The following CAMTA1 variants were observed in gnomAD, a reference collection of about 807,000 sequenced individuals.
The protein encoded by CAMTA1 is calmodulin binding transcription activator 1, also known as calmodulin-binding transcription activator 1.
A neutral mutation model predicts 170.9 loss-of-function variants in CAMTA1; 27 were observed. That is an observed-to-expected ratio of 0.16 (90% confidence interval 0.12 to 0.22). CAMTA1 has a LOEUF of 0.22. Among genes scored for constraint, CAMTA1 ranks in the 10% least tolerant of loss-of-function variants. The pLI is 1.00. For missense variants in CAMTA1, 1,619 were observed against 2,217.2 expected, an observed-to-expected ratio of 0.73 and a Z score of 5.42; for synonymous variants, 833 against 891.5, an observed-to-expected ratio of 0.93 and a Z score of 1.17.
chr1:6,995,638 A>G (rs1293779631), intron 3 of CAMTA1, among the ~76,000 whole-genome samples: 1 of 152,132 alleles, frequency 6.6e-6, no homozygotes, highest in Non-Finnish European at 1.5e-5. Context: ...ATCGTTTTAA[A>G]ATACAAATCA....
At chr1:7,149,982 G>A (rs370260852) in intron 4 of CAMTA1, among the ~76,000 whole-genome samples, 75 of 150,988 alleles carry the variant, frequency 5.0e-4, no homozygotes, top group African/African-American at 1.7e-3. Context: ...CTTCACTGCT[G>A]GGGAAGGACT....
chr1:7,752,677 A>G lies in CAMTA1; in HGVS notation c.4958+144A>G. ...GTCCCAAATTACAATAGGGCGGTAG[A>G]GCTCTTTAACTAGGGATCAGGTTGC... is the stretch of plus-strand genomic sequence containing the variant. On this transcript the variant is annotated intron_variant, in intron 21 of 22. Coordinates refer to ENST00000303635, the MANE Select transcript of CAMTA1 (RefSeq NM_015215.4). 5 of 624,028 alleles carry G rather than the reference A, an allele frequency of 8.0e-6. No homozygotes were observed. In the South Asian group the frequency reaches 1.1e-4, roughly 13 times the overall value. The allele number at this position is 624,028 out of a possible 1,614,324, so 38.7% of individuals were successfully genotyped here. A position where few individuals can be genotyped will look rare whatever the true frequency, so the allele number is the denominator to read the frequency against.
intron 3 of CAMTA1, among the ~76,000 whole-genome samples, chr1:6,884,022 G>A (rs1473348319): frequency 6.6e-6 from 1 of 152,068 alleles, no homozygotes; most frequent in Non-Finnish European, 1.5e-5. Flanking sequence ...ACACATTTCA[G>A]GTGCTCAGTG....
intron 6 of CAMTA1, among the ~76,000 whole-genome samples, chr1:7,483,345 G>A (rs2093567625): frequency 6.6e-6 from 1 of 152,234 alleles, no homozygotes; most frequent in Non-Finnish European, 1.5e-5. Context: ...AAAATCTGGT[G>A]CAGAGCAGCC....
chr1:6,876,623 A>G (rs552247739), intron 3 of CAMTA1, among the ~76,000 whole-genome samples: 1 of 152,244 alleles, frequency 6.6e-6, no homozygotes, highest in East Asian at 1.9e-4. Context: ...TCGGCCTCCT[A>G]GAGTGCTGGG....
At chr1:6,824,763 T>G (rs1646919048) in intron 2 of CAMTA1, among the ~76,000 whole-genome samples, 1 of 152,142 alleles carries the variant, frequency 6.6e-6, no homozygotes, top group Non-Finnish European at 1.5e-5. Flanking sequence ...GAGGTTAATT[T>G]TATAATTTTT....
rs577353689 is a variant in CAMTA1, at chr1:7,335,124, T to TTGTGTGTGTG, written c.438+85505_438+85514dup. ...GAGGGCTTGTTTGGCAGCACAGCTT[T>TTGTGTGTGTG]TGTGTGTGTGTGTGTGGGGGGGGGG... On this transcript the variant is annotated intron_variant, in intron 5 of 22. Transcript: ENST00000303635. Among the ~76,000 whole-genome samples, 17 of 19,196 alleles carry TTGTGTGTGTG rather than the reference T, an allele frequency of 8.9e-4. 2 individuals are homozygous for TTGTGTGTGTG. The highest frequency in any genetic ancestry group is 4.8e-3 in the East Asian group (2 of 414). The allele number at this position is 19,196 out of a possible 152,430, so 12.6% of individuals were successfully genotyped here.
chr1:6,805,434 A>G (rs763487824), intron 1 of CAMTA1, among the ~76,000 whole-genome samples: 1 of 152,222 alleles, frequency 6.6e-6, no homozygotes, highest in Non-Finnish European at 1.5e-5. Flanking sequence ...TCAGTCCCTT[A>G]TCAGATATGT....
intron 11 of CAMTA1, among the ~76,000 whole-genome samples, chr1:7,713,636 G>C (rs759943912): frequency 6.6e-6 from 1 of 152,126 alleles, no homozygotes; most frequent in Non-Finnish European, 1.5e-5. Context: ...TCAATAGCTC[G>C]TGGGAAATGT....
chr1:7,622,472 G>A (rs2095605438), intron 6 of CAMTA1, among the ~76,000 whole-genome samples: 1 of 152,172 alleles, frequency 6.6e-6, no homozygotes, highest in Non-Finnish European at 1.5e-5. Context: ...ATCCGCTATT[G>A]AAAACAGCTG....
chr1:7,100,906 A>G (rs1411517978), intron 4 of CAMTA1, among the ~76,000 whole-genome samples: 2 of 152,096 alleles, frequency 1.3e-5, no homozygotes, highest in Non-Finnish European at 2.9e-5. Flanking sequence ...ACTGGGACAA[A>G]AGCCTTCGCG....
chr1:7,075,628 T>C (rs1639193920), intron 3 of CAMTA1, among the ~76,000 whole-genome samples: 1 of 151,420 alleles, frequency 6.6e-6, no homozygotes. Context: ...CTGGCTCTTC[T>C]TTGACTTCCC....
At chr1:6,828,286 CTTT>C (rs746522147) in intron 3 of CAMTA1, among the ~76,000 whole-genome samples, 1 of 69,712 alleles carries the variant, frequency 1.4e-5, no homozygotes, top group South Asian at 5.1e-4. Flanking sequence ...TCATTCCATC[CTTT>C]TTTTTTTTTT....
intron 5 of CAMTA1, among the ~76,000 whole-genome samples, chr1:7,370,708 C>G (rs964637380): frequency 3.3e-5 from 5 of 152,032 alleles, no homozygotes; most frequent in African/African-American, 1.2e-4. Flanking sequence ...AATGCATTTA[C>G]TCAGATATAT....
chr1:7,214,855 CTTTCTTTT>C lies in CAMTA1; in HGVS notation c.303-34632_303-34625del, dbSNP rs1223007328. Among the ~76,000 whole-genome samples, 400 of 79,354 alleles carry C rather than the reference CTTTCTTTT, an allele frequency of 5.0e-3. 1 individual carries two copies. Among genetic ancestry groups the C allele is most frequent in the African/African-American group, 0.029 (383 of 13,106 alleles). The allele number at this position is 79,354 out of a possible 152,430, so 52.1% of individuals were successfully genotyped here. Reference sequence around the variant, plus strand: ...AGACTTTGGTGGAGACTTTTTCTTTCTTTCTTTTTTTTTTTTTTGCCTGTGGATGTCTG... The same window carrying C: ...AGACTTTGGTGGAGACTTTTTCTTTCTTTTTTTTTTGCCTGTGGATGTCTG... On this transcript the variant is annotated intron_variant, in intron 4 of 22. Coordinates refer to ENST00000303635, the MANE Select transcript of CAMTA1 (RefSeq NM_015215.4).
At chr1:7,651,427 G>T (rs2095847993) in intron 7 of CAMTA1, among the ~76,000 whole-genome samples, 1 of 152,208 alleles carries the variant, frequency 6.6e-6, no homozygotes, top group African/African-American at 2.4e-5. Flanking sequence ...AGGTGGCCTT[G>T]CCCTGTCATC....
chr1:7,646,410 GTGGAGGCCCTGGTGAGTGTGAC>G lies in CAMTA1; in HGVS notation c.664+5869_664+5890del, dbSNP rs1482346662. ...GTGGTTGGAGGCCCTGGTGAGTTGG[GTGGAGGCCCTGGTGAGTGTGAC>G]TGGAGGCCCTGTTGAGGCGGATGGA... On this transcript the variant is annotated intron_variant, in intron 7 of 22. Coordinates refer to ENST00000303635, the MANE Select transcript of CAMTA1 (RefSeq NM_015215.4). Among the ~76,000 whole-genome samples the G allele has an allele frequency of 7.8e-4, 117 of 149,284 alleles. 1 individual carries two copies. The highest frequency in any genetic ancestry group is 2.9e-3 in the African/African-American group (116 of 39,940).
intron 4 of CAMTA1, among the ~76,000 whole-genome samples, chr1:7,231,195 G>C (rs1225573082): frequency 6.6e-6 from 1 of 152,196 alleles, no homozygotes; most frequent in East Asian, 1.9e-4. Context: ...CTGAAGCTTG[G>C]AAATAGCCTG....
At chr1:6,793,195 T>C (rs962484052) in intron 1 of CAMTA1, among the ~76,000 whole-genome samples, 2 of 152,194 alleles carry the variant, frequency 1.3e-5, no homozygotes, top group African/African-American at 4.8e-5. Flanking sequence ...TCGCTAGTTT[T>C]GGACAGGTGC....
Sources: gnomAD v4.1 joint callset for allele counts (sites outside exome capture counted in the v4.1 genomes callset) on GRCh38, gnomAD v4.1.1 for gene constraint, MANE v1.5 for transcripts, NCBI Gene and HGNC (gene_info 2026-07-23, HGNC 2026-07-21) for gene names.